The following FMO1 variants were observed in gnomAD, a reference collection of about 807,000 sequenced individuals.
The protein encoded by FMO1 is flavin containing dimethylaniline monoxygenase 1, also known as flavin-containing monooxygenase 1.
Under a neutral mutation model 45.4 loss-of-function variants are expected in FMO1, and 36 were observed. That is an observed-to-expected ratio of 0.79 (90% CI 0.61 to 1.05). FMO1 has a LOEUF of 1.05. Among genes scored for constraint, FMO1 ranks in the 50% least tolerant of loss-of-function variants. FMO1 has a pLI of 0.00. For missense variants in FMO1, 615 were observed against 640.3 expected (o/e 0.96, Z 0.43); for synonymous variants, 228 against 227.2 (o/e 1.00, Z -0.03).
intron 1 of FMO1, among the ~76,000 whole-genome samples, chr1:171,250,476 C>A (rs755698320): frequency 6.6e-6 from 1 of 152,174 alleles, no homozygotes; most frequent in Non-Finnish European, 1.5e-5. Context: ...TAATGACAGG[C>A]GTCACCTCAT....
Position 171,285,406 on chromosome 1 carries a change from C to T in FMO1, c.1461C>T (p.Ala487=). 6.2e-7 allele frequency: 1 copy of T among 1,613,154 alleles called. No individual in the cohort carries two copies. The highest frequency in any genetic ancestry group is 8.5e-7 in the Non-Finnish European group (1 of 1,179,620). The change falls in exon 9 of 9, where the codon GCC becomes GCT. Residue 487 remains alanine (A), a synonymous_variant. Transcript: ENST00000617670. ...GAAAATGGGAAGGAGCCAGAAATGC[C>T]ATCATGACCCAGTGGGACCGAACAT... ...GPGKWEGARN[A]IMTQWDRTFK...
chr1:171,252,215 G>C (rs866556622), intron 1 of FMO1, among the ~76,000 whole-genome samples: 2 of 152,120 alleles, frequency 1.3e-5, no homozygotes, highest in African/African-American at 4.8e-5. Flanking sequence ...TACAGGATGC[G>C]ATGCCAGATC....
intron 3 of FMO1, 43 bp downstream of exon 3, chr1:171,267,774 A>T: frequency 6.7e-7 from 1 of 1,482,876 alleles, no homozygotes; most frequent in Non-Finnish European, 9.3e-7. Context: ...AGTATTTCCT[A>T]CCTATTTTCT....
intron 3 of FMO1, among the ~76,000 whole-genome samples, chr1:171,269,694 T>A (rs1558011114): frequency 6.6e-6 from 1 of 152,110 alleles, no homozygotes; most frequent in Non-Finnish European, 1.5e-5. Context: ...CCTAAACTGC[T>A]AAGCAGATAA....
At chr1:171,267,455 A>G (rs1010838527) in intron 2 of FMO1, 88 bp from the exon 3 acceptor site, 13 of 825,778 alleles carry the variant, frequency 1.6e-5, no homozygotes, top group Non-Finnish European at 2.1e-5. Context: ...CTTGGCAATG[A>G]TACTGTGTGC....
In FMO1 at chr1:171,280,983, C is replaced by G. The variant is rs760182875; in HGVS notation, c.825C>G (p.Asp275Glu). The G allele has an allele frequency of 2.5e-6, 4 of 1,613,010 alleles. No homozygotes were observed. Among genetic ancestry groups the G allele is most frequent in the Non-Finnish European group, 3.4e-6 (4 of 1,179,324 alleles). ...NHANYGLIPE[D>E]RTQLKEFVLN... ...CAAATTACGGCTTAATACCAGAAGACAGGTAAATATAATGTGACTGCCAAG... is the reference window on the plus strand; with the variant it reads ...CAAATTACGGCTTAATACCAGAAGAGAGGTAAATATAATGTGACTGCCAAG... The change falls in exon 6 of 9, where the codon GAC becomes GAG. Residue 275 changes from aspartate (D) to glutamate (E), a missense_variant and splice_region_variant. Coordinates refer to ENST00000617670, the MANE Select transcript of FMO1 (RefSeq NM_001282693.2).
At chr1:171,257,213 C>T (rs990517379) in intron 1 of FMO1, among the ~76,000 whole-genome samples, 3 of 151,978 alleles carry the variant, frequency 2.0e-5, no homozygotes, top group South Asian at 4.2e-4. Flanking sequence ...CTGATAGAGC[C>T]GCGCTTTATC....
chr1:171,260,339 A>G (rs1249816339), intron 2 of FMO1, among the ~76,000 whole-genome samples: 1 of 152,194 alleles, frequency 6.6e-6, no homozygotes, highest in East Asian at 1.9e-4. Context: ...TATCTGGATG[A>G]CCAGAAATAA....
chr1:171,250,852 T>C (rs1221310354), intron 1 of FMO1, among the ~76,000 whole-genome samples: 3 of 152,298 alleles, frequency 2.0e-5, no homozygotes, highest in East Asian at 3.9e-4. Flanking sequence ...TAATAATAAA[T>C]TTATCTTAAA....
At chr1:171,281,947 A>G (rs1349186119) in intron 6 of FMO1, 31 bp from the exon 7 acceptor site, 2 of 1,348,364 alleles carry the variant, frequency 1.5e-6, no homozygotes, top group Non-Finnish European at 2.1e-6. Context: ...GTTCACTGAC[A>G]AGTCTCCTCC....
intron 3 of FMO1, chr1:171,270,887 G>T: frequency 1.4e-6 from 1 of 702,128 alleles, no homozygotes; most frequent in Non-Finnish European, 2.3e-6. Context: ...TCTTTAAAAG[G>T]AGTGACTTGT....
rs753779386 is a variant in FMO1 at position 171,285,458 on chromosome 1, C to A, written c.1513C>A (p.Gln505Lys). The change falls in exon 9 of 9, where the codon CAA (glutamine) becomes AAA (lysine). Residue 505 changes from glutamine to lysine, a missense_variant. Gln to Lys is a moderately conservative substitution (Grantham distance 53, BLOSUM62 1). Transcript: ENST00000617670. ...TFKVIKARVV[Q>K]ESPSPFESFL... is the part of the protein sequence containing the mutation. ...CAAGGTCATCAAAGCTCGAGTTGTA[C>A]AAGAGTCTCCATCTCCCTTTGAAAG... 1.3e-6 allele frequency: 2 copies of A among 1,568,408 alleles called. No individual in the cohort carries two copies. The highest frequency in any genetic ancestry group is 1.7e-6 in the Non-Finnish European group (2 of 1,158,726).
intron 2 of FMO1, among the ~76,000 whole-genome samples, chr1:171,261,832 A>G (rs1414632693): frequency 6.6e-6 from 1 of 152,238 alleles, no homozygotes; most frequent in Admixed American, 6.5e-5. Flanking sequence ...TTTTAAGGAA[A>G]AGAGAGATAA....
chr1:171,249,714 T>G (rs191338472), intron 1 of FMO1, among the ~76,000 whole-genome samples: 1 of 151,592 alleles, frequency 6.6e-6, no homozygotes, highest in Non-Finnish European at 1.5e-5. Context: ...TGTGTGTGTG[T>G]GAGAGAGAGA....
At chr1:171,281,892 C>T in intron 6 of FMO1, 86 bp from the exon 7 acceptor site, 2 of 729,046 alleles carry the variant, frequency 2.7e-6, no homozygotes, top group Non-Finnish European at 4.5e-6. Flanking sequence ...GAGAGAGCCC[C>T]AGAATGAGAG....
intron 8 of FMO1, 85 bp downstream of exon 8, chr1:171,283,301 A>G: frequency 1.8e-6 from 1 of 571,090 alleles, no homozygotes; most frequent in South Asian, 2.9e-5. Context: ...AAAAAAAGGA[A>G]ATGAAAAAGA....
In FMO1 at chr1:171,278,776, C is replaced by T; in HGVS notation, c.532C>T (p.His178Tyr). ...GTACTTTCATAGCCGGCAATATAAG[C>T]ATCCAGATATATTTAAGGACAAGAG... ...GQYFHSRQYK[H>Y]PDIFKDKRVL... The change falls in exon 5 of 9, where the codon CAT becomes TAT. Residue 178 changes from histidine (H) to tyrosine (Y), a missense_variant. His to Tyr is a moderately conservative substitution (Grantham distance 83). Coordinates refer to ENST00000617670, the MANE Select transcript of FMO1 (RefSeq NM_001282693.2). 1 of 1,610,706 alleles carries T rather than the reference C, an allele frequency of 6.2e-7. No homozygotes were observed. The highest frequency in any genetic ancestry group is 8.5e-7 in the Non-Finnish European group (1 of 1,177,312).
chr1:171,265,234 C>CA (rs1241529429), intron 2 of FMO1, among the ~76,000 whole-genome samples: 6 of 150,894 alleles, frequency 4.0e-5, no homozygotes, highest in African/African-American at 2.4e-5. Context: ...ACTAAAAATA[C>CA]AAAAAAATTA....
At chr1:171,284,736 AAAAAAAAG>A (rs928142080) in intron 8 of FMO1, among the ~76,000 whole-genome samples, 6 of 151,246 alleles carry the variant, frequency 4.0e-5, no homozygotes, top group African/African-American at 1.5e-4. Context: ...TGTAAAAAAA[AAAAAAAAG>A]AAAAAAGAAA....
Sources: gnomAD v4.1 joint callset for allele counts (sites outside exome capture counted in the v4.1 genomes callset) on GRCh38, gnomAD v4.1.1 for gene constraint, MANE v1.5 for transcripts, NCBI Gene and HGNC (gene_info 2026-07-23, HGNC 2026-07-21) for gene names.